PDE4D: variants seen among roughly 807,000 people sequenced by gnomAD.
PDE4D encodes 3',5'-cyclic-AMP phosphodiesterase 4D.
In PDE4D, 24 loss-of-function variants were observed where a neutral mutation model predicts 87.4. The ratio of observed to expected loss-of-function variants is 0.27; its 90% confidence interval spans 0.20 to 0.39. The LOEUF (loss-of-function observed/expected upper bound fraction) is 0.39, where lower values mean the gene tolerates loss of function less well. Among genes scored for constraint, PDE4D ranks in the 10% least tolerant of loss-of-function variants. PDE4D has a pLI of 1.00. For missense variants in PDE4D, 714 were observed against 1,041.0 expected (o/e 0.69, Z 4.32); for synonymous variants, 384 against 383.2 (o/e 1.00, Z -0.02).
At chr5:60,422,824 G>A (rs776122376) in intron 1 of PDE4D, among the ~76,000 whole-genome samples, 4 of 152,112 alleles carry the variant, frequency 2.6e-5, no homozygotes, top group Non-Finnish European at 5.9e-5. Context: ...GAAACATATA[G>A]GTTCAAAATA....
intron 5 of PDE4D, among the ~76,000 whole-genome samples, chr5:59,130,644 G>A (rs1776134497): frequency 6.6e-6 from 1 of 152,182 alleles, no homozygotes; most frequent in Non-Finnish European, 1.5e-5. Flanking sequence ...ATGATTCAGG[G>A]AAACCCAGAT....
chr5:59,162,848 T>C (rs1380480848), intron 5 of PDE4D, among the ~76,000 whole-genome samples: 8 of 21,666 alleles, frequency 3.7e-4, no homozygotes, highest in Non-Finnish European at 8.8e-4. Flanking sequence ...AGTGAGACCC[T>C]GCATCAAAAA....
intron 1 of PDE4D, among the ~76,000 whole-genome samples, chr5:59,828,876 C>G (rs1448039266): frequency 6.6e-6 from 1 of 152,040 alleles, no homozygotes; most frequent in Non-Finnish European, 1.5e-5. Context: ...GGCCTCCTTC[C>G]AAGGGCCAGT....
In PDE4D at chr5:60,097,025, C is replaced by T. The variant is rs1775744188; in HGVS notation, c.42+88532G>A. Among the ~76,000 whole-genome samples, 3 of 152,080 alleles carry T rather than the reference C, an allele frequency of 2.0e-5. 1 individual carries two copies. The highest frequency in any genetic ancestry group is 2.0e-4 in the Admixed American group (3 of 15,222). On this transcript the variant is annotated intron_variant, in intron 2 of 16. Coordinates refer to the PDE4D transcript ENST00000502484. ...GGATCTTGGATGGACATTGTGCTTTCAAGCATTTAGAAGTGTGAATTCTTG... is the reference window on the plus strand; with the variant it reads ...GGATCTTGGATGGACATTGTGCTTTTAAGCATTTAGAAGTGTGAATTCTTG...
At chr5:59,510,779 T>C (rs1810160602) in intron 1 of PDE4D, among the ~76,000 whole-genome samples, 1 of 151,926 alleles carries the variant, frequency 6.6e-6, no homozygotes, top group Non-Finnish European at 1.5e-5. Context: ...GTGAAAACTC[T>C]TTAGTTAAGT....
chr5:59,837,287 G>T (rs1742268393), intron 1 of PDE4D, among the ~76,000 whole-genome samples: 1 of 152,180 alleles, frequency 6.6e-6, no homozygotes, highest in East Asian at 1.9e-4. Flanking sequence ...CCCCTGTCCA[G>T]TGTCTAGCCA....
intron 1 of PDE4D, among the ~76,000 whole-genome samples, chr5:59,234,231 A>T (rs900131803): frequency 2.0e-5 from 3 of 152,156 alleles, no homozygotes; most frequent in Non-Finnish European, 2.9e-5. Context: ...GTGCCACTTC[A>T]TCTATTTTCT....
intron 11 of PDE4D, among the ~76,000 whole-genome samples, chr5:58,979,298 G>T (rs921274184): frequency 6.6e-6 from 1 of 152,156 alleles, no homozygotes; most frequent in Non-Finnish European, 1.5e-5. Flanking sequence ...AAAGAGTCCA[G>T]ATTGGCTAGA....
At chr5:60,496,273 G>A (rs1031191665) in intron 1 of PDE4D, among the ~76,000 whole-genome samples, 6 of 152,148 alleles carry the variant, frequency 3.9e-5, no homozygotes, top group African/African-American at 1.4e-4. Context: ...CTTCCAAACC[G>A]AGAGGGAAAC....
chr5:59,240,462 C>T, intron 1 of PDE4D, among the ~76,000 whole-genome samples: 1 of 152,112 alleles, frequency 6.6e-6, no homozygotes, highest in Non-Finnish European at 1.5e-5. Flanking sequence ...TTCCTTCAGC[C>T]TTCATAGTTC....
At position 59,343,113 on chromosome 5, in the gene PDE4D, C is replaced by T. The variant is rs79597237; in HGVS notation, c.456-127145G>A. ...ATTCTCTCCCTTCTCCCACCCTCCC[C>T]TCTCTGGTATGCTCCTGTGTCTGTT... On this transcript the variant is annotated intron_variant, in intron 1 of 14. Transcript: ENST00000340635. 6.7e-3 allele frequency among the ~76,000 whole-genome samples: 1,023 copies of T among 152,142 alleles called. 8 individuals are homozygous for T. The highest frequency in any genetic ancestry group is 0.023 in the African/African-American group (971 of 41,524).
intron 1 of PDE4D, among the ~76,000 whole-genome samples, chr5:59,573,959 C>T (rs1245938807): frequency 7.4e-6 from 1 of 135,284 alleles, no homozygotes; most frequent in Non-Finnish European, 1.6e-5. Context: ...CATCACACCA[C>T]TGCACTCCAG....
intron 5 of PDE4D, among the ~76,000 whole-genome samples, chr5:59,077,110 C>T (rs11739293): frequency 0.31 from 47,812 of 151,982 alleles, 8,532 homozygotes; most frequent in East Asian, 0.71. Context: ...GTTACTTAAC[C>T]TCTCTCTGGT....
chr5:60,245,175 A>C (rs1007167025), intron 1 of PDE4D, among the ~76,000 whole-genome samples: 1 of 152,034 alleles, frequency 6.6e-6, no homozygotes, highest in Non-Finnish European at 1.5e-5. Flanking sequence ...AATGGAAAAC[A>C]GATATATGAA....
intron 1 of PDE4D, among the ~76,000 whole-genome samples, chr5:60,220,272 C>T (rs1744348374): frequency 6.6e-6 from 1 of 152,138 alleles, no homozygotes. Flanking sequence ...AAGAAAGGGA[C>T]ACTAACCTAA....
chr5:60,323,846 G>C (rs183905070), intron 1 of PDE4D, among the ~76,000 whole-genome samples: 5 of 151,654 alleles, frequency 3.3e-5, no homozygotes, highest in Admixed American at 3.3e-4. Context: ...ATCTGCTACA[G>C]GGTTTTGTCT....
At chr5:59,146,890 C>A (rs1778745588) in intron 5 of PDE4D, among the ~76,000 whole-genome samples, 1 of 152,188 alleles carries the variant, frequency 6.6e-6, no homozygotes, top group African/African-American at 2.4e-5. Context: ...GGATCCCCAA[C>A]CTCCAAGCCA....
intron 1 of PDE4D, among the ~76,000 whole-genome samples, chr5:59,460,027 T>A (rs908260111): frequency 1.3e-5 from 2 of 152,026 alleles, no homozygotes; most frequent in Non-Finnish European, 2.9e-5. Flanking sequence ...CCTGTAATGT[T>A]AAGAAGACAT....
At chr5:59,067,638 T>C (rs1422640506) in intron 5 of PDE4D, among the ~76,000 whole-genome samples, 3 of 152,156 alleles carry the variant, frequency 2.0e-5, no homozygotes, top group Non-Finnish European at 4.4e-5. Context: ...TTTTTTTCCA[T>C]GTAAGATTAG....
Sources: gnomAD v4.1 joint callset for allele counts (sites outside exome capture counted in the v4.1 genomes callset) on GRCh38, gnomAD v4.1.1 for gene constraint, MANE v1.5 for transcripts, NCBI Gene and HGNC (gene_info 2026-07-23, HGNC 2026-07-21) for gene names.